TFDP2: variants seen among roughly 807,000 people sequenced by gnomAD.
TFDP2 encodes the protein transcription factor Dp-2.
TFDP2 carries 17 observed loss-of-function variants against 59.3 expected under a neutral mutation model. That is an observed-to-expected ratio of 0.29 (90% CI 0.20 to 0.43). TFDP2 has a LOEUF of 0.43. Ranked by LOEUF, TFDP2 falls within the 20% of genes least tolerant of loss-of-function variation. TFDP2 has a pLI of 1.00. For missense variants in TFDP2, 391 were observed against 528.8 expected, an observed-to-expected ratio of 0.74 and a Z score of 2.56; for synonymous variants, 180 against 194.7, an observed-to-expected ratio of 0.92 and a Z score of 0.63.
In TFDP2 at chr3:141,968,365, CATATATAACATATATCTCAT is replaced by C. The variant is rs1355474499; in HGVS notation, c.732+1688_732+1707del. Among the ~76,000 whole-genome samples, 26 of 86,614 alleles carry C rather than the reference CATATATAACATATATCTCAT, an allele frequency of 3.0e-4. 1 individual carries two copies. The highest frequency in any genetic ancestry group is 2.7e-3 in the South Asian group (9 of 3,284). The allele number at this position is 86,614 out of a possible 152,430, so 56.8% of individuals were successfully genotyped here. A position where few individuals can be genotyped will look rare whatever the true frequency, so the allele number is the denominator to read the frequency against. ...ATATAACTATATATAACATATATCT[CATATATAACATATATCTCAT>C]ATATATAACATATATATCATATATA... On this transcript the variant is annotated intron_variant, in intron 9 of 12. Transcript: ENST00000489671.
chr3:141,961,200 G>T (rs933136531), intron 10 of TFDP2, among the ~76,000 whole-genome samples: 7 of 148,450 alleles, frequency 4.7e-5, no homozygotes, highest in Non-Finnish European at 1.0e-4. Context: ...TATCTGAAAA[G>T]ATGCTAACCA....
chr3:141,973,093 G>GTA (rs1553761666), intron 8 of TFDP2, among the ~76,000 whole-genome samples: 6,662 of 102,890 alleles, frequency 0.065, 282 homozygotes, highest in Non-Finnish European at 0.087. Flanking sequence ...AAAGCTATGT[G>GTA]TATATATATA....
intron 3 of TFDP2, among the ~76,000 whole-genome samples, chr3:142,028,127 A>G (rs1394259027): frequency 6.6e-6 from 1 of 152,210 alleles, no homozygotes; most frequent in Non-Finnish European, 1.5e-5. Flanking sequence ...TGGGAAGTAT[A>G]TTTTGCTGTT....
At chr3:141,979,617 T>C (rs56184282) in intron 6 of TFDP2, among the ~76,000 whole-genome samples, 11,310 of 152,038 alleles carry the variant, frequency 0.074, 521 homozygotes, top group Non-Finnish European at 0.11. Context: ...GAGAGAGAGT[T>C]TCGCTCTATC....
intron 3 of TFDP2, among the ~76,000 whole-genome samples, chr3:142,019,906 T>C (rs1429833710): frequency 6.6e-6 from 1 of 152,214 alleles, no homozygotes; most frequent in Non-Finnish European, 1.5e-5. Flanking sequence ...TTTTGTTTCA[T>C]TCATGATTAA....
At chr3:142,055,062 G>A (rs1390208209) in intron 3 of TFDP2, among the ~76,000 whole-genome samples, 1 of 152,180 alleles carries the variant, frequency 6.6e-6, no homozygotes. Context: ...TAACTAGTTT[G>A]TGGCAGACAA....
In TFDP2 at chr3:141,973,110, TATA is replaced by T. The variant is rs1450185839; in HGVS notation, c.663+935_663+937del. On this transcript the variant is annotated intron_variant, in intron 8 of 12. Coordinates refer to ENST00000489671, the MANE Select transcript of TFDP2 (RefSeq NM_001178139.2). Reference sequence around the variant, plus strand: ...AGCTATGTGTATATATATATATATATATATATATATATATTTTTTTTTTTTAAA... The same window carrying T: ...AGCTATGTGTATATATATATATATATTATATATATATTTTTTTTTTTTAAA... Among the ~76,000 whole-genome samples the T allele has an allele frequency of 2.6e-4, 29 of 109,754 alleles. No homozygotes were observed. In the South Asian group the frequency reaches 8.1e-3, roughly 31 times the overall value. 72.0% of individuals were successfully genotyped at this position (109,754 alleles called of 152,430 possible).
chr3:142,117,891 G>A (rs1022180017), intron 1 of TFDP2, among the ~76,000 whole-genome samples: 10 of 152,308 alleles, frequency 6.6e-5, no homozygotes, highest in African/African-American at 2.4e-4. Flanking sequence ...GAGGTCAGGA[G>A]TTCGAGACCA....
intron 3 of TFDP2, among the ~76,000 whole-genome samples, chr3:142,068,003 T>TAA (rs750432367): frequency 5.2e-5 from 6 of 115,860 alleles, no homozygotes; most frequent in Admixed American, 1.8e-4. Flanking sequence ...GACTCTAGCT[T>TAA]AAAAAAAAAA....
At chr3:141,992,109 GA>G (rs960214489) in intron 6 of TFDP2, among the ~76,000 whole-genome samples, 41 of 135,516 alleles carry the variant, frequency 3.0e-4, no homozygotes, top group African/African-American at 8.8e-4. Flanking sequence ...AAAGAAAGAA[GA>G]AAAAAAAAGC....
At chr3:142,086,590 A>ATGACTTTATCTTTCTGGTGACT (rs2060817150) in intron 3 of TFDP2, among the ~76,000 whole-genome samples, 1 of 152,218 alleles carries the variant, frequency 6.6e-6, no homozygotes, top group African/African-American at 2.4e-5. Flanking sequence ...TACATAGGGC[A>ATGACTTTATCTTTCTGGTGACT]AGGTATGGAA....
At chr3:142,092,233 A>C (rs978396699) in intron 3 of TFDP2, among the ~76,000 whole-genome samples, 1 of 152,208 alleles carries the variant, frequency 6.6e-6, no homozygotes, top group Admixed American at 6.5e-5. Flanking sequence ...TAGACATTTC[A>C]GCATGTATCT....
At chr3:141,985,679 T>TG (rs1169552370) in intron 6 of TFDP2, among the ~76,000 whole-genome samples, 2 of 152,098 alleles carry the variant, frequency 1.3e-5, no homozygotes, top group Non-Finnish European at 2.9e-5. Context: ...AAAACGTAGG[T>TG]GTTAAGTCTT....
rs1319205790 is a variant in TFDP2 at position 141,987,943 on chromosome 3, A to AAAAAAAAAAAAAG, written c.356+5594_356+5595insCTTTTTTTTTTTT. Among the ~76,000 whole-genome samples the AAAAAAAAAAAAAG allele has an allele frequency of 8.8e-4, 134 of 151,510 alleles. 3 individuals carry two copies. The highest frequency in any genetic ancestry group is 3.1e-3 in the African/African-American group (129 of 41,208). Reference sequence around the variant, plus strand: ...GACAGAGCAAGACCCTGCCTCAAAAAAAAAAGAAAAGAAAAAGAAAATGAC... The same window carrying AAAAAAAAAAAAAG: ...GACAGAGCAAGACCCTGCCTCAAAAAAAAAAAAAAAAAGAAAAAGAAAAGAAAAAGAAAATGAC... On this transcript the variant is annotated intron_variant, in intron 6 of 12. Coordinates refer to ENST00000489671, the MANE Select transcript of TFDP2 (RefSeq NM_001178139.2).
Position 142,121,844 on chromosome 3 carries a change from C to T in TFDP2, c.-92-20003G>A, listed in dbSNP as rs561172395. Among the ~76,000 whole-genome samples the T allele has an allele frequency of 5.6e-5, 3 of 53,222 alleles. No homozygotes were observed. The highest frequency in any genetic ancestry group is 2.3e-4 in the Admixed American group (1 of 4,396). 34.9% of individuals were successfully genotyped at this position (53,222 alleles called of 152,430 possible). A position where few individuals can be genotyped will look rare whatever the true frequency, so the allele number is the denominator to read the frequency against. On this transcript the variant is annotated intron_variant, in intron 1 of 12. Transcript: ENST00000489671. The surrounding 1 kb of genome is among the most constrained non-coding windows in gnomAD (Gnocchi z 4.3). The stretch of plus-strand genomic sequence containing the variant: ...AGAAACCCTGTCTCTACTAAAAATA[C>T]GAAGTTAAAAAAAAAAAAACTTCAT...
chr3:141,961,216 C>T (rs1441537802), intron 10 of TFDP2, among the ~76,000 whole-genome samples: 1 of 149,192 alleles, frequency 6.7e-6, no homozygotes, highest in East Asian at 1.9e-4. Flanking sequence ...AACCATTTTC[C>T]AGAATTCTCA....
chr3:142,120,864 C>T (rs2062023436), intron 1 of TFDP2, among the ~76,000 whole-genome samples: 1 of 152,008 alleles, frequency 6.6e-6, no homozygotes, highest in African/African-American at 2.4e-5. Flanking sequence ...TGCATATAAC[C>T]CCTTTTTGGC....
Position 142,118,698 on chromosome 3 carries a change from C to T in TFDP2, c.-92-16857G>A, listed in dbSNP as rs904923493. Among the ~76,000 whole-genome samples the T allele has an allele frequency of 4.6e-5, 7 of 151,446 alleles. No homozygotes were observed. In the South Asian group the frequency reaches 8.4e-4, roughly 18 times the overall value. ...GTAGAAAGAACAGACTGAACGAAAA[C>T]TTAATAAAAGACACTGAACAAAGAG... On this transcript the variant is annotated intron_variant, in intron 1 of 12. Coordinates refer to ENST00000489671, the MANE Select transcript of TFDP2 (RefSeq NM_001178139.2).
At chr3:142,131,244 G>C (rs561417220) in intron 1 of TFDP2, among the ~76,000 whole-genome samples, 1 of 149,832 alleles carries the variant, frequency 6.7e-6, no homozygotes, top group African/African-American at 2.5e-5. Context: ...TATTTAGCAG[G>C]AAGACACAAA....
Sources: allele counts gnomAD v4.1 joint callset (sites outside exome capture counted in the v4.1 genomes callset), GRCh38; gene constraint gnomAD v4.1.1; non-coding constraint Gnocchi (gnomAD v3.1); transcripts MANE v1.5; gene names NCBI Gene and HGNC (gene_info 2026-07-23, HGNC 2026-07-21).